Variants in PLEKHA7 observed in about 807,000 individuals in gnomAD.
The protein encoded by PLEKHA7 is pleckstrin homology domain containing A7, also known as pleckstrin homology domain-containing family A member 7.
In PLEKHA7, 104 loss-of-function variants were observed where a neutral mutation model predicts 170.0. That is an observed-to-expected ratio of 0.61 (90% CI 0.52 to 0.72). The LOEUF (loss-of-function observed/expected upper bound fraction) is 0.72. Ranked by LOEUF, PLEKHA7 falls within the 30% of genes least tolerant of loss-of-function variation. PLEKHA7 has a pLI of 0.00. For missense variants in PLEKHA7, 1,615 were observed against 1,671.7 expected, an observed-to-expected ratio of 0.97 and a Z score of 0.59; for synonymous variants, 648 against 660.8, an observed-to-expected ratio of 0.98 and a Z score of 0.30.
intron 5 of PLEKHA7, 147 bp from the exon 6 acceptor site, chr11:16,855,140 C>T (rs1853329012): frequency 1.5e-5 from 10 of 649,308 alleles, no homozygotes; most frequent in Middle Eastern, 2.5e-4. Context: ...AGACAGGGAA[C>T]GGGCGTGCAC....
chr11:16,913,700 T>C (rs892350218), intron 3 of PLEKHA7, among the ~76,000 whole-genome samples: 1 of 152,206 alleles, frequency 6.6e-6, no homozygotes, highest in African/African-American at 2.4e-5. Context: ...TAAATTTCAC[T>C]GGCAAACCAC....
intron 12 of PLEKHA7, 98 bp from the exon 13 acceptor site, chr11:16,813,264 G>A (rs747662011): frequency 1.2e-5 from 13 of 1,082,060 alleles, no homozygotes; most frequent in Non-Finnish European, 1.8e-5. Context: ...GTGCAGCTTT[G>A]GGAACAAGGA....
intron 3 of PLEKHA7, among the ~76,000 whole-genome samples, chr11:17,005,682 C>T (rs775141593): frequency 4.3e-4 from 66 of 152,314 alleles, no homozygotes; most frequent in South Asian, 1.5e-3. Flanking sequence ...GGTAAAGAGC[C>T]TTAAAAAGCA....
rs1035893697 is a variant in PLEKHA7, at chr11:16,792,987, A to G, written c.2745+1501T>C. On this transcript the variant is annotated intron_variant, in intron 19 of 26. Coordinates refer to ENST00000531066, the MANE Select transcript of PLEKHA7 (RefSeq NM_001329630.2). The stretch of plus-strand genomic sequence containing the variant: ...TAATAAAACAAATGGTAAAACTGGC[A>G]AACACACATATATTCCTAGGAGAGA... 2.0e-5 allele frequency among the ~76,000 whole-genome samples: 3 copies of G among 152,200 alleles called. No homozygotes were observed. The South Asian group carries it at 6.2e-4, about 31-fold the overall frequency.
At chr11:16,900,785 T>A (rs2136037093) in intron 3 of PLEKHA7, among the ~76,000 whole-genome samples, 1 of 152,262 alleles carries the variant, frequency 6.6e-6, no homozygotes, top group African/African-American at 2.4e-5. Context: ...CAAAAAATCT[T>A]TTTTCTAGGA....
At chr11:16,978,595 A>C (rs1863215950) in intron 3 of PLEKHA7, among the ~76,000 whole-genome samples, 1 of 152,210 alleles carries the variant, frequency 6.6e-6, no homozygotes, top group Non-Finnish European at 1.5e-5. Flanking sequence ...ATCATTTAAT[A>C]GTTGGATGGT....
intron 3 of PLEKHA7, among the ~76,000 whole-genome samples, chr11:16,929,018 G>C (rs1859748650): frequency 6.6e-6 from 1 of 152,120 alleles, no homozygotes; most frequent in Non-Finnish European, 1.5e-5. Context: ...TGTTTCTGAA[G>C]TTGTCAGACA....
chr11:16,976,003 G>C (rs1863038303), intron 3 of PLEKHA7, among the ~76,000 whole-genome samples: 1 of 152,172 alleles, frequency 6.6e-6, no homozygotes, highest in South Asian at 2.1e-4. Flanking sequence ...CTCAGGAAGG[G>C]GCTGTACTCA....
In PLEKHA7 at chr11:16,778,296, CTTT is replaced by C. The variant is rs1848791914; in HGVS notation, c.*699_*701del. 1 of 152,652 alleles carries C rather than the reference CTTT, an allele frequency of 6.6e-6. No homozygotes were observed. The highest frequency in any genetic ancestry group is 2.1e-4 in the South Asian group (1 of 4,832). The allele number at this position is 152,652 out of a possible 1,614,324, so 9.5% of individuals were successfully genotyped here. On this transcript the variant is annotated 3_prime_UTR_variant, in exon 27 of 27. Transcript: ENST00000531066. ...AAAAAAAAAAAAAGATAGCAAACTG[CTTT>C]TTTCTTTCTGACAAGAGCCTTTTGC...
At chr11:16,850,478 C>T (rs1009116943) in intron 8 of PLEKHA7, among the ~76,000 whole-genome samples, 10 of 152,224 alleles carry the variant, frequency 6.6e-5, no homozygotes, top group Non-Finnish European at 1.5e-5. Flanking sequence ...GATCTTAACA[C>T]CTGCAGTGAA....
chr11:16,813,301 C>T, intron 12 of PLEKHA7, 135 bp from the exon 13 acceptor site: 1 of 597,970 alleles, frequency 1.7e-6, no homozygotes, highest in East Asian at 3.1e-5. Context: ...ACATCAGGGG[C>T]CACAGAGGAA....
intron 9 of PLEKHA7, among the ~76,000 whole-genome samples, chr11:16,831,438 T>C (rs1270975160): frequency 6.6e-6 from 1 of 152,182 alleles, no homozygotes; most frequent in African/African-American, 2.4e-5. Context: ...CGTCAATGAC[T>C]GTATTACTCA....
chr11:16,820,221 T>C (rs1021890949), intron 10 of PLEKHA7, among the ~76,000 whole-genome samples: 2 of 152,226 alleles, frequency 1.3e-5, no homozygotes, highest in African/African-American at 4.8e-5. Flanking sequence ...ACTGTTCTAA[T>C]TGTTTTAAAA....
intron 3 of PLEKHA7, among the ~76,000 whole-genome samples, chr11:16,885,926 G>A (rs1360222588): frequency 6.6e-6 from 1 of 151,948 alleles, no homozygotes; most frequent in Non-Finnish European, 1.5e-5. Flanking sequence ...GAAACCAGGA[G>A]GCAGAGGTTG....
intron 10 of PLEKHA7, among the ~76,000 whole-genome samples, chr11:16,822,502 GAAAAAAAAAAAAA>G (rs775136335): frequency 5.1e-5 from 4 of 78,956 alleles, no homozygotes; most frequent in East Asian, 4.9e-4. Flanking sequence ...TTTGGTAGGG[GAAAAAAAAAAAAA>G]AAAAAAAAAA....
At chr11:16,866,719 A>G (rs568380187) in intron 4 of PLEKHA7, among the ~76,000 whole-genome samples, 63 of 152,368 alleles carry the variant, frequency 4.1e-4, no homozygotes, top group Non-Finnish European at 7.2e-4. Flanking sequence ...TACAGCAGAC[A>G]CTAGCCTATC....
chr11:16,835,979 C>T (rs919410382), intron 9 of PLEKHA7, among the ~76,000 whole-genome samples: 5 of 152,216 alleles, frequency 3.3e-5, no homozygotes, highest in African/African-American at 1.2e-4. Context: ...CTGGATAGGG[C>T]TCCACCCCTG....
chr11:16,921,424 G>A (rs948266494), intron 3 of PLEKHA7, among the ~76,000 whole-genome samples: 3 of 152,218 alleles, frequency 2.0e-5, no homozygotes, highest in Admixed American at 2.0e-4. Context: ...CCCTATGGAT[G>A]AGGGGGCAGA....
At chr11:16,852,970 G>C (rs1853105185) in intron 6 of PLEKHA7, among the ~76,000 whole-genome samples, 1 of 152,148 alleles carries the variant, frequency 6.6e-6, no homozygotes, top group Admixed American at 6.5e-5. Flanking sequence ...AAATTACTGT[G>C]AATATTTTTC....
Sources: gnomAD v4.1 joint callset for allele counts (sites outside exome capture counted in the v4.1 genomes callset) on GRCh38, gnomAD v4.1.1 for gene constraint, MANE v1.5 for transcripts, NCBI Gene and HGNC (gene_info 2026-07-23, HGNC 2026-07-21) for gene names.